The following MARK3 variants were observed in gnomAD, a reference collection of about 807,000 sequenced individuals.
MARK3 encodes MAP/microtubule affinity-regulating kinase 3.
MARK3 carries 46 observed loss-of-function variants against 90.1 expected under a neutral mutation model. That is an observed-to-expected ratio of 0.51 (90% confidence interval 0.40 to 0.65). MARK3 has a LOEUF of 0.65. MARK3 is among the 30% of genes least tolerant of loss of function. The pLI is 0.00. For synonymous variants in MARK3, 321 were observed against 332.6 expected, an observed-to-expected ratio of 0.97 and a Z score of 0.38; for missense variants, 818 against 947.2, an observed-to-expected ratio of 0.86 and a Z score of 1.79.
chr14:103,478,140 C>G (rs2093748039), intron 13 of MARK3, among the ~76,000 whole-genome samples: 1 of 151,682 alleles, frequency 6.6e-6, no homozygotes, highest in African/African-American at 2.4e-5. Flanking sequence ...ACTAAAAATA[C>G]AAAAATTAGC....
rs374929121 is a variant in MARK3 at position 103,457,131 on chromosome 14, C to A, written c.413-11C>A. 4 of 1,544,760 alleles carry A rather than the reference C, an allele frequency of 2.6e-6. No homozygotes were observed. Among genetic ancestry groups the A allele is most frequent in the Admixed American group, 1.7e-5 (1 of 58,124 alleles). On this transcript the variant is annotated splice_polypyrimidine_tract_variant and intron_variant, in intron 5 of 17. Transcript: ENST00000429436. ...AGGATTTCTACTTACTTTTATTTCTCTCACCTATAGGTGAAGTATTTGACT... is the reference window on the plus strand; with the variant it reads ...AGGATTTCTACTTACTTTTATTTCTATCACCTATAGGTGAAGTATTTGACT...
chr14:103,420,211 G>T (rs1367070651), intron 2 of MARK3, among the ~76,000 whole-genome samples: 2 of 151,888 alleles, frequency 1.3e-5, no homozygotes, highest in Non-Finnish European at 2.9e-5. Flanking sequence ...AAAAAATCAC[G>T]GAATTCCACA....
intron 2 of MARK3, among the ~76,000 whole-genome samples, chr14:103,419,352 A>G (rs919444050): frequency 6.6e-6 from 1 of 152,232 alleles, no homozygotes; most frequent in Non-Finnish European, 1.5e-5. Flanking sequence ...TTAGGGTTAT[A>G]TGTATTGATA....
In MARK3 at chr14:103,466,065, A is replaced by C; in HGVS notation, c.871A>C (p.Asn291His). 9 of 1,614,054 alleles carry C rather than the reference A, an allele frequency of 5.6e-6. No individual in the cohort carries two copies. The highest frequency in any genetic ancestry group is 7.6e-6 in the Non-Finnish European group (9 of 1,180,020). ...ENLLKRFLVL[N>H]PIKRGTLEQI... is the part of the protein sequence containing the mutation. ...CCTTCTCAAACGTTTCCTGGTGCTA[A>C]ATCCAATTAAACGCGGCACTCTAGA... is the stretch of plus-strand genomic sequence containing the variant. Residue 291 changes from asparagine to histidine, a missense_variant, in exon 9 of 18, where the codon AAT (asparagine) becomes CAT (histidine). Transcript: ENST00000429436.
At chr14:103,444,877 T>G (rs1388901184) in intron 3 of MARK3, among the ~76,000 whole-genome samples, 1 of 152,248 alleles carries the variant, frequency 6.6e-6, no homozygotes. Flanking sequence ...ATAGGGACTT[T>G]CCTTAAAGTT....
chr14:103,435,326 C>T (rs2092687851), intron 3 of MARK3, among the ~76,000 whole-genome samples: 1 of 151,328 alleles, frequency 6.6e-6, no homozygotes, highest in Non-Finnish European at 1.5e-5. Flanking sequence ...AGTACACACC[C>T]CAGATGAGAA....
At position 103,485,636 on chromosome 14, in the gene MARK3, A is replaced by G. The variant is rs117567740; in HGVS notation, c.1586+5146A>G. Among the ~76,000 whole-genome samples the G allele has an allele frequency of 1.0e-3, 154 of 152,288 alleles. 4 individuals are homozygous for G. In the East Asian group the frequency reaches 0.025, roughly 25 times the overall value. On this transcript the variant is annotated intron_variant, in intron 14 of 17. Transcript: ENST00000429436. Reference sequence around the variant, plus strand: ...TGAGTATGCTTTTAATCAGCAGCCAATACATTTCTTATCAGAATGTTCTGA... The same window carrying G: ...TGAGTATGCTTTTAATCAGCAGCCAGTACATTTCTTATCAGAATGTTCTGA...
chr14:103,458,629 T>A, intron 6 of MARK3: 1 of 551,578 alleles, frequency 1.8e-6, no homozygotes, highest in Admixed American at 3.2e-5. Flanking sequence ...CTTCACTGCT[T>A]TTAAATTAAT....
In MARK3 at chr14:103,500,139, A is replaced by G; in HGVS notation, c.1872-17A>G. 6.2e-7 allele frequency: 1 copy of G among 1,605,878 alleles called. No homozygotes were observed. Among genetic ancestry groups the G allele is most frequent in the East Asian group, 2.2e-5 (1 of 44,848 alleles). On this transcript the variant is annotated splice_polypyrimidine_tract_variant and intron_variant, in intron 16 of 17. Transcript: ENST00000429436. ...CTCTTTCCCTCTTCTCTCTGCTTCT[A>G]CATTCTGTTCATTGAGGCTTCCAAC... is the stretch of plus-strand genomic sequence containing the variant.
Position 103,470,453 on chromosome 14 carries a change from C to CAATTTTTTTTTTTTTTTTTTTTTTT in MARK3, c.1264+2267_1264+2268insAATTTTTTTTTTTTTTTTTTTTTTT, listed in dbSNP as rs1299534465. On this transcript the variant is annotated intron_variant, in intron 12 of 17. Coordinates refer to ENST00000429436, the MANE Select transcript of MARK3 (RefSeq NM_001128918.3). ...CTATTCCAGGATTCAGGAACTAAAT[C>CAATTTTTTTTTTTTTTTTTTTTTTT]TATTTTTTTTTTTTTTTTTGAGATG... Among the ~76,000 whole-genome samples the CAATTTTTTTTTTTTTTTTTTTTTTT allele has an allele frequency of 1.9e-3, 47 of 24,178 alleles. 1 individual carries two copies. The highest frequency in any genetic ancestry group is 3.5e-3 in the Non-Finnish European group (42 of 12,040). 15.9% of individuals were successfully genotyped at this position (24,178 alleles called of 152,430 possible).
In MARK3 at chr14:103,502,831, AG is replaced by A; in HGVS notation, c.1917-49del. On this transcript the variant is annotated intron_variant, in intron 17 of 17. Transcript: ENST00000429436. ...AATGAGGAACTAGCTGAAGTGTAAGAGGTTGATTTTCCTGTACGATTAAAAA... is the reference window on the plus strand; with the variant it reads ...AATGAGGAACTAGCTGAAGTGTAAGAGTTGATTTTCCTGTACGATTAAAAA... 8 of 1,440,260 alleles carry A rather than the reference AG, an allele frequency of 5.6e-6. No individual in the cohort carries two copies. The Middle Eastern group carries it at 1.4e-3, about 259-fold the overall frequency. The allele number at this position is 1,440,260 out of a possible 1,614,324, so 89.2% of individuals were successfully genotyped here. A position where few individuals can be genotyped will look rare whatever the true frequency, so the allele number is the denominator to read the frequency against.
chr14:103,435,383 CTT>C (rs1243469289), intron 3 of MARK3, among the ~76,000 whole-genome samples: 1 of 148,092 alleles, frequency 6.8e-6, no homozygotes, highest in African/African-American at 2.5e-5. Flanking sequence ...TAATTTCTCT[CTT>C]CTTCCAATTT....
chr14:103,426,269 CTTTTTTTT>C (rs61014395), intron 2 of MARK3, among the ~76,000 whole-genome samples: 1 of 143,900 alleles, frequency 6.9e-6, no homozygotes, highest in Admixed American at 6.8e-5. Flanking sequence ...TTGTTAAATA[CTTTTTTTT>C]TTTTTTTTTT....
intron 15 of MARK3, among the ~76,000 whole-genome samples, chr14:103,493,582 CA>C (rs1039973121): frequency 7.9e-5 from 12 of 152,080 alleles, no homozygotes; most frequent in Non-Finnish European, 1.5e-4. Flanking sequence ...CAGAATAAAC[CA>C]TTCCTTCCTG....
At chr14:103,478,061 C>G (rs1349737572) in intron 13 of MARK3, among the ~76,000 whole-genome samples, 1 of 150,972 alleles carries the variant, frequency 6.6e-6, no homozygotes, top group Non-Finnish European at 1.5e-5. Flanking sequence ...CTTTGGGAGG[C>G]TGAAGTGGGC....
At chr14:103,450,374 T>C (rs1166806864) in intron 4 of MARK3, among the ~76,000 whole-genome samples, 3 of 152,204 alleles carry the variant, frequency 2.0e-5, no homozygotes, top group Non-Finnish European at 4.4e-5. Flanking sequence ...TTATCACTGT[T>C]GCCTAGAACA....
At chr14:103,485,099 G>A (rs1386190751) in intron 14 of MARK3, among the ~76,000 whole-genome samples, 1 of 137,824 alleles carries the variant, frequency 7.3e-6, no homozygotes, top group East Asian at 2.1e-4. Flanking sequence ...GCATGGTGGC[G>A]CATGCCTATA....
chr14:103,452,305 CACCCATG>C (rs1228867152), intron 5 of MARK3, among the ~76,000 whole-genome samples: 4 of 151,914 alleles, frequency 2.6e-5, no homozygotes, highest in African/African-American at 9.7e-5. Context: ...CCCTCACCAC[CACCCATG>C]TCCAGAATGT....
At chr14:103,464,687 C>G (rs2093470559) in intron 7 of MARK3, among the ~76,000 whole-genome samples, 1 of 151,972 alleles carries the variant, frequency 6.6e-6, no homozygotes, top group Non-Finnish European at 1.5e-5. Flanking sequence ...ATGAAATGCC[C>G]CTTTTTAAAA....
Sources: gnomAD v4.1 joint callset for allele counts (sites outside exome capture counted in the v4.1 genomes callset) on GRCh38, gnomAD v4.1.1 for gene constraint, MANE v1.5 for transcripts, NCBI Gene and HGNC (gene_info 2026-07-23, HGNC 2026-07-21) for gene names.